GRID2: variants seen among roughly 807,000 people sequenced by gnomAD.
GRID2 encodes the protein glutamate ionotropic receptor delta type subunit 2, also known as glutamate receptor ionotropic, delta-2.
In GRID2, 33 loss-of-function variants were observed where a neutral mutation model predicts 114.8. The ratio of observed to expected loss-of-function variants is 0.29; its 90% confidence interval spans 0.22 to 0.38. GRID2 has a LOEUF of 0.38. GRID2 is among the 10% of genes least tolerant of loss of function. The pLI, the probability that GRID2 is intolerant of heterozygous loss-of-function variation, is 1.00. For missense variants in GRID2, 1,184 were observed against 1,257.7 expected (o/e 0.94, Z 0.89); for synonymous variants, 505 against 449.9 (o/e 1.12, Z -1.55).
At chr4:93,428,792 T>C (rs1647974315) in intron 10 of GRID2, among the ~76,000 whole-genome samples, 1 of 152,198 alleles carries the variant, frequency 6.6e-6, no homozygotes, top group Non-Finnish European at 1.5e-5. Flanking sequence ...AAGTTATCAA[T>C]ATTTACAACA....
intron 1 of GRID2, among the ~76,000 whole-genome samples, chr4:92,440,666 C>T (rs376142347): frequency 5.9e-5 from 9 of 151,740 alleles, no homozygotes; most frequent in Admixed American, 3.9e-4. Context: ...TGTACTATAG[C>T]ATAACCTGCC....
intron 1 of GRID2, among the ~76,000 whole-genome samples, chr4:92,392,826 TTACCC>T (rs1730312786): frequency 6.6e-6 from 1 of 152,192 alleles, no homozygotes. Context: ...ATCGCCTTCC[TTACCC>T]TGCGTTACTG....
intron 13 of GRID2, among the ~76,000 whole-genome samples, chr4:93,536,274 TGGA>T (rs958206079): frequency 3.3e-5 from 5 of 151,896 alleles, no homozygotes; most frequent in African/African-American, 1.2e-4. Context: ...AGCACAAAGC[TGGA>T]GGCATCACAC....
intron 14 of GRID2, among the ~76,000 whole-genome samples, chr4:93,650,852 G>A (rs1722522950): frequency 6.6e-6 from 1 of 151,974 alleles, no homozygotes; most frequent in Non-Finnish European, 1.5e-5. Flanking sequence ...ATAAGAAGGG[G>A]AACAAACTGA....
chr4:92,540,738 T>G (rs925310387), intron 1 of GRID2, among the ~76,000 whole-genome samples: 133 of 152,298 alleles, frequency 8.7e-4, no homozygotes, highest in African/African-American at 3.0e-3. Flanking sequence ...AGTGTGGCAA[T>G]TCCTCAGGGA....
chr4:92,515,560 T>G (rs1044922646), intron 1 of GRID2, among the ~76,000 whole-genome samples: 5 of 151,916 alleles, frequency 3.3e-5, no homozygotes, highest in African/African-American at 1.2e-4. Context: ...AGAAGTCCAG[T>G]GATTTTATTA....
At chr4:93,199,925 G>T (rs554328908) in intron 4 of GRID2, among the ~76,000 whole-genome samples, 1 of 152,174 alleles carries the variant, frequency 6.6e-6, no homozygotes, top group Non-Finnish European at 1.5e-5. Flanking sequence ...CTCAGGTCAT[G>T]TACATGTTTC....
At chr4:92,730,068 ACT>A (rs1364495973) in intron 2 of GRID2, among the ~76,000 whole-genome samples, 1 of 151,898 alleles carries the variant, frequency 6.6e-6, no homozygotes, top group African/African-American at 2.4e-5. Flanking sequence ...TAGTTGCTAA[ACT>A]CTCTTTGAGT....
intron 1 of GRID2, among the ~76,000 whole-genome samples, chr4:92,342,323 A>G (rs1727537795): frequency 6.6e-6 from 1 of 152,196 alleles, no homozygotes; most frequent in African/African-American, 2.4e-5. Flanking sequence ...ATAAAATAAT[A>G]ATTAAAAGTC....
intron 1 of GRID2, among the ~76,000 whole-genome samples, chr4:92,547,848 T>C (rs1427388312): frequency 6.6e-6 from 1 of 152,106 alleles, no homozygotes; most frequent in Non-Finnish European, 1.5e-5. Context: ...TTCTAGGTTC[T>C]ACAAAAAGAA....
chr4:92,990,254 T>C (rs1435880938), intron 2 of GRID2, among the ~76,000 whole-genome samples: 4 of 147,182 alleles, frequency 2.7e-5, no homozygotes, highest in African/African-American at 7.5e-5. Context: ...GTGTGTGATA[T>C]ATGTATATAT....
At chr4:92,843,665 T>C (rs1430769970) in intron 2 of GRID2, among the ~76,000 whole-genome samples, 1 of 152,170 alleles carries the variant, frequency 6.6e-6, no homozygotes, top group African/African-American at 2.4e-5. Flanking sequence ...TGTATTTCAG[T>C]ACTTGGTTTC....
At chr4:93,476,662 GA>G (rs1560660419) in intron 11 of GRID2, among the ~76,000 whole-genome samples, 1 of 152,040 alleles carries the variant, frequency 6.6e-6, no homozygotes, top group Non-Finnish European at 1.5e-5. Context: ...ATAAGAGCGT[GA>G]ATACAAAAGC....
At chr4:93,683,155 C>CAT (rs1318497640) in intron 14 of GRID2, among the ~76,000 whole-genome samples, 1 of 151,856 alleles carries the variant, frequency 6.6e-6, no homozygotes, top group Non-Finnish European at 1.5e-5. Context: ...ATCAGCATAG[C>CAT]CTCTCTCCCT....
chr4:93,239,722 G>A (rs531323652), intron 8 of GRID2, among the ~76,000 whole-genome samples: 177 of 151,638 alleles, frequency 1.2e-3, no homozygotes, highest in African/African-American at 3.8e-3. Flanking sequence ...AAATAGCCAG[G>A]ATTCTCAACC....
intron 1 of GRID2, among the ~76,000 whole-genome samples, chr4:92,387,894 C>CA (rs1431078484): frequency 6.6e-6 from 1 of 151,996 alleles, no homozygotes; most frequent in Non-Finnish European, 1.5e-5. Context: ...TAAAAAGAAT[C>CA]AAAGATCTTT....
At chr4:92,339,246 C>A (rs1301013501) in intron 1 of GRID2, among the ~76,000 whole-genome samples, 1 of 152,060 alleles carries the variant, frequency 6.6e-6, no homozygotes, top group Admixed American at 6.6e-5. Flanking sequence ...ACTCGGAAAG[C>A]TGATCCATTA....
intron 14 of GRID2, among the ~76,000 whole-genome samples, chr4:93,694,692 T>C (rs1726859115): frequency 6.6e-6 from 1 of 152,158 alleles, no homozygotes; most frequent in South Asian, 2.1e-4. Context: ...ATCCATTTTC[T>C]TACAGGGCAT....
intron 8 of GRID2, among the ~76,000 whole-genome samples, chr4:93,381,231 A>G (rs1763825170): frequency 1.3e-5 from 2 of 151,982 alleles, no homozygotes; most frequent in East Asian, 1.9e-4. Flanking sequence ...ATGATTCCCC[A>G]TTTCCCTCTC....
Sources: gnomAD v4.1 joint callset for allele counts (sites outside exome capture counted in the v4.1 genomes callset) on GRCh38, gnomAD v4.1.1 for gene constraint, MANE v1.5 for transcripts, NCBI Gene and HGNC (gene_info 2026-07-23, HGNC 2026-07-21) for gene names.